The following LRMDA variants were observed in gnomAD, a reference collection of about 807,000 sequenced individuals.
LRMDA encodes leucine rich melanocyte differentiation associated, also known as leucine-rich melanocyte differentiation-associated protein.
A neutral mutation model predicts 29.8 loss-of-function variants in LRMDA; 18 were observed. The observed-to-expected ratio is 0.60, with a 90% CI of 0.42 to 0.90. LRMDA has a LOEUF of 0.90. Among genes scored for constraint, LRMDA ranks in the 40% least tolerant of loss-of-function variants. The pLI is 0.00. For missense variants in LRMDA, 273 were observed against 273.9 expected, an observed-to-expected ratio of 1.00 and a Z score of 0.02; for synonymous variants, 125 against 109.4, an observed-to-expected ratio of 1.14 and a Z score of -0.89.
chr10:76,264,460 C>T (rs1380678799), intron 5 of LRMDA, among the ~76,000 whole-genome samples: 1 of 100,760 alleles, frequency 9.9e-6, no homozygotes, highest in African/African-American at 3.4e-5. Flanking sequence ...AAAAAAAACA[C>T]GGAAGCAGAT....
At chr10:76,404,362 T>A (rs1365274142) in intron 6 of LRMDA, among the ~76,000 whole-genome samples, 5 of 152,068 alleles carry the variant, frequency 3.3e-5, no homozygotes, top group Non-Finnish European at 7.4e-5. Flanking sequence ...GTGAGCAAGC[T>A]AAATAAAATG....
At chr10:76,227,478 T>A (rs1036264227) in intron 5 of LRMDA, among the ~76,000 whole-genome samples, 2 of 152,198 alleles carry the variant, frequency 1.3e-5, no homozygotes, top group Non-Finnish European at 2.9e-5. Context: ...TTTCCATCAG[T>A]GGAAATCTTG....
At chr10:76,526,977 AAAATAAATAAATAAAT>A (rs199776614) in intron 6 of LRMDA, among the ~76,000 whole-genome samples, 32 of 121,526 alleles carry the variant, frequency 2.6e-4, no homozygotes, top group African/African-American at 5.1e-4. Context: ...AAAGTATAAT[AAAATAAATAAATAAAT>A]AAATAAATAA....
At chr10:75,440,155 G>T (rs919391798) in intron 2 of LRMDA, among the ~76,000 whole-genome samples, 10 of 150,006 alleles carry the variant, frequency 6.7e-5, no homozygotes, top group Non-Finnish European at 1.5e-5. Flanking sequence ...AGGTGTGTAT[G>T]TGTGGCAAGA....
chr10:75,833,390 G>A (rs1844379440), intron 2 of LRMDA, among the ~76,000 whole-genome samples: 1 of 151,866 alleles, frequency 6.6e-6, no homozygotes, highest in South Asian at 2.1e-4. Context: ...GTACTTTCAA[G>A]GGCTGTGATC....
At chr10:76,076,071 C>A (rs528920451) in intron 5 of LRMDA, among the ~76,000 whole-genome samples, 1 of 152,186 alleles carries the variant, frequency 6.6e-6, no homozygotes, top group South Asian at 2.1e-4. Context: ...GGGCTGGGCG[C>A]GGTGGCTCAT....
intron 6 of LRMDA, among the ~76,000 whole-genome samples, chr10:76,411,499 C>T (rs1841961044): frequency 1.3e-5 from 2 of 152,226 alleles, no homozygotes; most frequent in Admixed American, 1.3e-4. Flanking sequence ...AGGTCAACGA[C>T]ATTATTTCCC....
At chr10:75,616,566 C>CCT (rs1176366279) in intron 2 of LRMDA, among the ~76,000 whole-genome samples, 10 of 152,164 alleles carry the variant, frequency 6.6e-5, no homozygotes, top group African/African-American at 2.4e-4. Context: ...AAATGGTATG[C>CCT]CTGGTATGTA....
chr10:75,720,875 A>C (rs775102480), intron 2 of LRMDA, among the ~76,000 whole-genome samples: 2 of 152,196 alleles, frequency 1.3e-5, no homozygotes, highest in Non-Finnish European at 2.9e-5. Context: ...CTTCTCGGCT[A>C]AACTAAAGAA....
intron 5 of LRMDA, among the ~76,000 whole-genome samples, chr10:76,215,505 T>C (rs1221774966): frequency 6.6e-6 from 1 of 152,002 alleles, no homozygotes; most frequent in Non-Finnish European, 1.5e-5. Context: ...AGTCTGTTTG[T>C]CAAGATTTGG....
intron 5 of LRMDA, among the ~76,000 whole-genome samples, chr10:76,081,968 G>GA (rs1849056827): frequency 6.6e-6 from 1 of 152,148 alleles, no homozygotes; most frequent in Non-Finnish European, 1.5e-5. Flanking sequence ...ATAGAACCAA[G>GA]TAGCTTGGGT....
chr10:75,467,069 A>T (rs539932920), intron 2 of LRMDA, among the ~76,000 whole-genome samples: 1 of 152,180 alleles, frequency 6.6e-6, no homozygotes, highest in Non-Finnish European at 1.5e-5. Context: ...AGACATGAAG[A>T]AATAGGTGAC....
At chr10:75,478,777 C>T (rs781509297) in intron 2 of LRMDA, among the ~76,000 whole-genome samples, 2 of 152,132 alleles carry the variant, frequency 1.3e-5, no homozygotes, top group Admixed American at 6.5e-5. Flanking sequence ...TATTGTCCCA[C>T]CTGTGTGAAC....
chr10:75,687,971 G>T (rs1842102775), intron 2 of LRMDA, among the ~76,000 whole-genome samples: 1 of 152,154 alleles, frequency 6.6e-6, no homozygotes, highest in Admixed American at 6.5e-5. Context: ...TAAGCCCACT[G>T]TTGAGACCTA....
chr10:76,234,040 A>G (rs1308811902), intron 5 of LRMDA, among the ~76,000 whole-genome samples: 1 of 152,214 alleles, frequency 6.6e-6, no homozygotes, highest in East Asian at 1.9e-4. Flanking sequence ...TCTATTGCCC[A>G]GATCCATCAG....
chr10:76,021,714 C>T (rs1190024936), intron 2 of LRMDA, among the ~76,000 whole-genome samples: 2 of 152,168 alleles, frequency 1.3e-5, no homozygotes, highest in South Asian at 2.1e-4. Context: ...CAGGCCTCTC[C>T]AGCTTTTTCT....
chr10:76,103,585 C>T (rs1157843692), intron 5 of LRMDA, among the ~76,000 whole-genome samples: 1 of 152,172 alleles, frequency 6.6e-6, no homozygotes, highest in Non-Finnish European at 1.5e-5. Context: ...CATTTTCACC[C>T]CTTTTAGTTG....
chr10:76,004,361 G>T (rs1021455126), intron 2 of LRMDA, among the ~76,000 whole-genome samples: 24 of 152,244 alleles, frequency 1.6e-4, no homozygotes, highest in African/African-American at 5.5e-4. Flanking sequence ...CTCCTATGTA[G>T]AGTGAGAGCA....
intron 4 of LRMDA, among the ~76,000 whole-genome samples, chr10:76,052,675 G>T (rs891059858): frequency 6.6e-6 from 1 of 152,176 alleles, no homozygotes; most frequent in Non-Finnish European, 1.5e-5. Context: ...GAAGAAAGAG[G>T]ACCTGAAAAG....
Sources: allele counts gnomAD v4.1 joint callset (sites outside exome capture counted in the v4.1 genomes callset), GRCh38; gene constraint gnomAD v4.1.1; transcripts MANE v1.5; gene names NCBI Gene and HGNC (gene_info 2026-07-23, HGNC 2026-07-21).